BIRC6: variants seen among roughly 807,000 people sequenced by gnomAD.
BIRC6 encodes baculoviral IAP repeat containing 6, also known as dual E2 ubiquitin-conjugating enzyme/E3 ubiquitin-protein ligase BIRC6.
A neutral mutation model predicts 503.3 loss-of-function variants in BIRC6; 98 were observed. That is an observed-to-expected ratio of 0.19 (90% CI 0.17 to 0.23). The LOEUF is 0.23. Ranked by LOEUF, BIRC6 falls within the 10% of genes least tolerant of loss-of-function variation. The pLI is 1.00. For synonymous variants in BIRC6, 2,240 were observed against 2,078.7 expected, an observed-to-expected ratio of 1.08 and a Z score of -2.11; for missense variants, 5,360 against 5,806.0, an observed-to-expected ratio of 0.92 and a Z score of 2.50.
At chr2:32,502,975 A>C in intron 48 of BIRC6, 67 bp from the exon 49 acceptor site, 6 of 1,515,974 alleles carry the variant, frequency 4.0e-6, no homozygotes, top group Non-Finnish European at 4.5e-6. Context: ...CTTTTGTGGA[A>C]GTTTACTTTT....
rs1349918613 is a variant in BIRC6, at chr2:32,531,518, A to G, written c.12258A>G (p.Arg4086=). Residue 4086 remains arginine (R), a synonymous_variant, in exon 61 of 74, where the codon AGA becomes AGG. Coordinates refer to ENST00000421745, the MANE Select transcript of BIRC6 (RefSeq NM_016252.4). ...GMGGLALIAE[R]LPMLYPEVIQ... ...GTGGACTGGCTCTTATTGCTGAAAG[A>G]CTACCCATGCTATATCCAGAAGTAA... 1.9e-6 allele frequency: 3 copies of G among 1,613,290 alleles called. No individual in the cohort carries two copies. The highest frequency in any genetic ancestry group is 2.2e-5 in the East Asian group (1 of 44,862).
chr2:32,573,975 A>C (rs1015786379), intron 65 of BIRC6, among the ~76,000 whole-genome samples: 3 of 152,038 alleles, frequency 2.0e-5, no homozygotes, highest in Non-Finnish European at 4.4e-5. Flanking sequence ...GTTCTCCCCT[A>C]AACTTGATAC....
Position 32,618,150 on chromosome 2 carries a change from C to A in BIRC6, c.*246C>A. 9.3e-6 allele frequency: 3 copies of A among 323,978 alleles called. No homozygotes were observed. The highest frequency in any genetic ancestry group is 1.7e-5 in the Non-Finnish European group (3 of 177,156). The allele number at this position is 323,978 out of a possible 1,614,324, so 20.1% of individuals were successfully genotyped here. On this transcript the variant is annotated 3_prime_UTR_variant, in exon 74 of 74. Transcript: ENST00000421745. Reference sequence around the variant, plus strand: ...GGTATGTTCAACAAATTTGTGTATACAAAGAAATGGATAAATCACTGCTAT... The same window carrying A: ...GGTATGTTCAACAAATTTGTGTATAAAAAGAAATGGATAAATCACTGCTAT...
intron 65 of BIRC6, among the ~76,000 whole-genome samples, chr2:32,563,071 G>T (rs541594197): frequency 7.9e-5 from 12 of 152,228 alleles, no homozygotes; most frequent in African/African-American, 2.6e-4. Flanking sequence ...TACGTATTTT[G>T]CCTTTCCATA....
chr2:32,560,553 T>A (rs532555176), intron 65 of BIRC6, among the ~76,000 whole-genome samples: 45 of 152,200 alleles, frequency 3.0e-4, no homozygotes, highest in Non-Finnish European at 5.7e-4. Flanking sequence ...GCCCTTTTGT[T>A]TACATGTGAA....
At chr2:32,421,187 A>T (rs1398733442) in intron 10 of BIRC6, among the ~76,000 whole-genome samples, 2 of 149,670 alleles carry the variant, frequency 1.3e-5, no homozygotes, top group Non-Finnish European at 3.0e-5. Context: ...GCTAACTGCA[A>T]CCTCTGCCTC....
intron 1 of BIRC6, among the ~76,000 whole-genome samples, chr2:32,360,882 T>C (rs542110673): frequency 6.6e-6 from 1 of 152,260 alleles, no homozygotes; most frequent in African/African-American, 2.4e-5. Flanking sequence ...ATGCCTAATA[T>C]ACAGTGTGTG....
rs563514354 is a variant in BIRC6, at chr2:32,513,023, C to T, written c.10437C>T (p.Ser3479=). The T allele has an allele frequency of 6.2e-7, 1 of 1,613,914 alleles. No individual in the cohort carries two copies. The highest frequency in any genetic ancestry group is 1.3e-5 in the African/African-American group (1 of 75,050). ...GGATGAACTACATGTGTCCTAACTC[C>T]TCAACAGTAGAGTATGGTCTTCTGA... The part of the protein sequence containing the change: ...SGRMNYMCPN[S]STVEYGLLMP... Residue 3479 remains serine, a synonymous_variant, in exon 54 of 74, where the codon TCC becomes TCT. Coordinates refer to ENST00000421745, the MANE Select transcript of BIRC6 (RefSeq NM_016252.4).
At chr2:32,444,542 C>G (rs908606436) in intron 20 of BIRC6, among the ~76,000 whole-genome samples, 1 of 152,034 alleles carries the variant, frequency 6.6e-6, no homozygotes, top group Non-Finnish European at 1.5e-5. Context: ...GCCTTTTAAG[C>G]CAAATTTTAT....
chr2:32,524,185 A>G (rs2056044819), intron 57 of BIRC6, among the ~76,000 whole-genome samples: 1 of 152,246 alleles, frequency 6.6e-6, no homozygotes, highest in Admixed American at 6.5e-5. Context: ...TATAATTTTT[A>G]GTGGTGTGCT....
At position 32,469,460 on chromosome 2, in the gene BIRC6, C is replaced by T; in HGVS notation, c.6193C>T (p.His2065Tyr). The change falls in exon 30 of 74, where the codon CAC becomes TAC. Residue 2065 changes from histidine to tyrosine, a missense_variant. Coordinates refer to ENST00000421745, the MANE Select transcript of BIRC6 (RefSeq NM_016252.4). ...CCAGGCCTGTGAAGAGCTCTTTAAA[C>T]ACTTGTGCATCAGTGGAACCCCAAA... The part of the protein sequence containing the change: ...HAQACEELFK[H>Y]LCISGTPKIR... 1.2e-6 allele frequency: 2 copies of T among 1,613,926 alleles called. No homozygotes were observed. The highest frequency in any genetic ancestry group is 1.7e-6 in the Non-Finnish European group (2 of 1,179,842).
intron 1 of BIRC6, among the ~76,000 whole-genome samples, chr2:32,373,811 C>T (rs566825645): frequency 6.6e-6 from 1 of 152,242 alleles, no homozygotes; most frequent in South Asian, 2.1e-4. Context: ...CAGCACTCTT[C>T]GAAATAGCCA....
In BIRC6 at chr2:32,552,099, A is replaced by G. The variant is rs1189087313; in HGVS notation, c.13144+2618A>G. 4.6e-5 allele frequency among the ~76,000 whole-genome samples: 7 copies of G among 152,308 alleles called. No homozygotes were observed. In the East Asian group the frequency reaches 1.4e-3, roughly 29 times the overall value. ...GCAAGACAAGAAAATATAGGAACAC[A>G]CTAGTTTATGCCTTCCTTTCAGTGC... On this transcript the variant is annotated intron_variant, in intron 65 of 73. Transcript: ENST00000421745.
At chr2:32,460,282 T>TTTTTTTA (rs2047742811) in intron 23 of BIRC6, among the ~76,000 whole-genome samples, 1 of 85,566 alleles carries the variant, frequency 1.2e-5, no homozygotes, top group Admixed American at 1.3e-4. Context: ...ATTTTTTTTT[T>TTTTTTTA]TTTTTTTTTT....
intron 65 of BIRC6, among the ~76,000 whole-genome samples, chr2:32,567,190 G>C (rs2059592939): frequency 6.6e-6 from 1 of 151,938 alleles, no homozygotes. Flanking sequence ...GGCTGGTCTT[G>C]AACTCCTGAT....
intron 70 of BIRC6, among the ~76,000 whole-genome samples, chr2:32,600,704 G>C (rs2061996350): frequency 6.6e-6 from 1 of 152,186 alleles, no homozygotes; most frequent in South Asian, 2.1e-4. Flanking sequence ...ATAGAGAAGA[G>C]GGTAAGGGCT....
chr2:32,520,625 C>T (rs1194086187), intron 57 of BIRC6, among the ~76,000 whole-genome samples: 4 of 152,114 alleles, frequency 2.6e-5, no homozygotes. Context: ...TCAGACCAGC[C>T]CTGCCAAGAT....
intron 71 of BIRC6, among the ~76,000 whole-genome samples, 181 bp downstream of exon 71, chr2:32,603,264 T>C (rs1164555922): frequency 6.6e-6 from 1 of 152,162 alleles, no homozygotes; most frequent in African/African-American, 2.4e-5. Flanking sequence ...TTATGTGTAA[T>C]CTAAAATCTC....
Position 32,503,196 on chromosome 2 carries a change from G to A in BIRC6, c.9459G>A (p.Glu3153=). 6.2e-7 allele frequency: 1 copy of A among 1,612,554 alleles called. No individual in the cohort carries two copies. The highest frequency in any genetic ancestry group is 1.1e-5 in the South Asian group (1 of 90,866). ...STLKTRILAS[E]PDNAEGIHNF... ...TGAAAACAAGAATACTAGCTTCTGA[G>A]CCTGACAATGCTGAAGGGATTCATA... The change falls in exon 49 of 74, where the codon GAG becomes GAA. Residue 3153 remains glutamate, a synonymous_variant. Coordinates refer to ENST00000421745, the MANE Select transcript of BIRC6 (RefSeq NM_016252.4).
Sources: allele counts gnomAD v4.1 joint callset (sites outside exome capture counted in the v4.1 genomes callset), GRCh38; gene constraint gnomAD v4.1.1; transcripts MANE v1.5; gene names NCBI Gene and HGNC (gene_info 2026-07-23, HGNC 2026-07-21).